Variants in POLK observed in about 807,000 individuals in gnomAD.
POLK encodes the protein polymerase (DNA directed) kappa.
POLK carries 76 observed loss-of-function variants against 94.0 expected under a neutral mutation model. The observed-to-expected ratio is 0.81, with a 90% CI of 0.67 to 0.98. The LOEUF (loss-of-function observed/expected upper bound fraction) is 0.98, where lower values mean the gene tolerates loss of function less well. POLK is among the 50% of genes least tolerant of loss of function. The probability of loss-of-function intolerance (pLI) is 0.00; values close to 1 mark genes in which losing one functional copy is unlikely to be tolerated. For synonymous variants in POLK, 349 were observed against 325.4 expected (o/e 1.07, Z -0.78); for missense variants, 954 against 1,010.1 (o/e 0.94, Z 0.75).
At chr5:75,561,898 T>C (rs915586044) in intron 3 of POLK, among the ~76,000 whole-genome samples, 1 of 152,246 alleles carries the variant, frequency 6.6e-6, no homozygotes, top group African/African-American at 2.4e-5. Flanking sequence ...CATGCTGTTT[T>C]GGCTACTATA....
At chr5:75,560,514 A>T (rs1770915032) in intron 3 of POLK, among the ~76,000 whole-genome samples, 1 of 152,010 alleles carries the variant, frequency 6.6e-6, no homozygotes, top group Admixed American at 6.6e-5. Context: ...TTGTTTCTTT[A>T]AAAAAATTTG....
chr5:75,609,169 T>A, the POLK span: 6 of 152,188 alleles, frequency 3.9e-5, no homozygotes, highest in Admixed American at 2.6e-4. Context: ...AGGATTTTTT[T>A]AAAAGTAAAT....
intron 1 of POLK, among the ~76,000 whole-genome samples, chr5:75,540,385 C>T (rs996971183): frequency 2.6e-4 from 39 of 151,770 alleles, no homozygotes; most frequent in Non-Finnish European, 3.1e-4. Flanking sequence ...TGGCTGACTG[C>T]GGCTTCGAAC....
intron 2 of POLK, among the ~76,000 whole-genome samples, chr5:75,551,009 C>T (rs904990682): frequency 1.3e-5 from 2 of 151,884 alleles, no homozygotes; most frequent in African/African-American, 4.8e-5. Context: ...ATCACTTGAG[C>T]CCAGGAGTTT....
chr5:75,516,468 G>T (rs1378796497), intron 1 of POLK, among the ~76,000 whole-genome samples: 2 of 152,042 alleles, frequency 1.3e-5, no homozygotes, highest in Non-Finnish European at 2.9e-5. Flanking sequence ...AAAGAAAAAA[G>T]TTTAAAACAT....
chr5:75,531,240 C>T (rs1247515165), intron 1 of POLK, among the ~76,000 whole-genome samples: 1 of 150,906 alleles, frequency 6.6e-6, no homozygotes, highest in Non-Finnish European at 1.5e-5. Flanking sequence ...GCTTTAAATT[C>T]TTACCATCAT....
intron 7 of POLK, chr5:75,582,255 C>A (rs1382452521): frequency 1.2e-5 from 4 of 342,356 alleles, no homozygotes; most frequent in Non-Finnish European, 1.7e-5. Flanking sequence ...TGTTATTCAT[C>A]ATGAGGACCC....
intron 1 of POLK, among the ~76,000 whole-genome samples, chr5:75,542,642 T>C (rs943901025): frequency 1.4e-5 from 2 of 144,606 alleles, no homozygotes; most frequent in African/African-American, 5.3e-5. Flanking sequence ...TATACACATA[T>C]ACATATATAC....
At chr5:75,565,862 G>T (rs1010043249) in intron 3 of POLK, among the ~76,000 whole-genome samples, 2 of 152,252 alleles carry the variant, frequency 1.3e-5, no homozygotes, top group Admixed American at 6.5e-5. Context: ...ACTTGAGGAG[G>T]CAGTCTGTTC....
Position 75,561,721 on chromosome 5 carries a change from A to G in POLK, c.256-7619A>G, listed in dbSNP as rs1021460692. On this transcript the variant is annotated intron_variant, in intron 3 of 14. Coordinates refer to ENST00000241436, the Ensembl canonical transcript of POLK. ...AAGGGGTCCAGTTTCAGTTTTCTGA[A>G]TATGGCTAGCAAGTTTTCCCAACAC... Among the ~76,000 whole-genome samples the G allele has an allele frequency of 4.9e-4, 75 of 152,322 alleles. 1 individual carries two copies. The highest frequency in any genetic ancestry group is 5.8e-4 in the East Asian group (3 of 5,182).
chr5:75,521,564 C>T (rs147763355), intron 1 of POLK, among the ~76,000 whole-genome samples: 22 of 152,254 alleles, frequency 1.4e-4, no homozygotes, highest in African/African-American at 5.1e-4. Context: ...TCCAAGAGCT[C>T]ACATATCACT....
At chr5:75,561,334 C>T (rs1770962967) in intron 3 of POLK, among the ~76,000 whole-genome samples, 1 of 152,036 alleles carries the variant, frequency 6.6e-6, no homozygotes, top group Non-Finnish European at 1.5e-5. Flanking sequence ...ATATCCTTTG[C>T]CTGCTTTTTG....
chr5:75,527,990 G>C (rs1178800634), intron 1 of POLK, among the ~76,000 whole-genome samples: 1 of 152,070 alleles, frequency 6.6e-6, no homozygotes, highest in Non-Finnish European at 1.5e-5. Context: ...TTAGAATATT[G>C]GTACTCTCAG....
At chr5:75,605,785 A>G (rs1460200510), downstream of POLK, among the ~76,000 whole-genome samples, 1 of 152,224 alleles carries the variant, frequency 6.6e-6, no homozygotes, top group Admixed American at 6.5e-5. Flanking sequence ...TTATACCTTC[A>G]GAGCAAGGAT....
intron 3 of POLK, among the ~76,000 whole-genome samples, chr5:75,554,287 C>T (rs976180581): frequency 1.3e-5 from 2 of 152,062 alleles, no homozygotes; most frequent in East Asian, 1.9e-4. Flanking sequence ...TTTTTGCCCA[C>T]ATGTCTGGGG....
chr5:75,522,478 C>T (rs944786382), intron 1 of POLK, among the ~76,000 whole-genome samples: 18 of 151,986 alleles, frequency 1.2e-4, no homozygotes, highest in African/African-American at 1.9e-4. Flanking sequence ...AACCCAAAAC[C>T]GGTTTCAGAA....
At chr5:75,608,281 CCTCCGTGG>C in the POLK span, among the ~76,000 whole-genome samples, 1 of 151,846 alleles carries the variant, frequency 6.6e-6, no homozygotes, top group Non-Finnish European at 1.5e-5. Flanking sequence ...GCAGCCTTGA[CCTCCGTGG>C]CTCAGGCCAT....
chr5:75,528,296 G>A (rs1768969895), intron 1 of POLK, among the ~76,000 whole-genome samples: 1 of 152,042 alleles, frequency 6.6e-6, no homozygotes, highest in East Asian at 1.9e-4. Context: ...AGGTTACAAA[G>A]CAGTATGAAT....
chr5:75,536,480 CT>C (rs1769450018), intron 1 of POLK, among the ~76,000 whole-genome samples: 2 of 152,108 alleles, frequency 1.3e-5, no homozygotes, highest in Non-Finnish European at 2.9e-5. Context: ...GAATTGCCTG[CT>C]CTGCCATCTG....
Sources: gnomAD v4.1 joint callset for allele counts (sites outside exome capture counted in the v4.1 genomes callset) on GRCh38, gnomAD v4.1.1 for gene constraint, MANE v1.5 for transcripts, NCBI Gene and HGNC (gene_info 2026-07-23, HGNC 2026-07-21) for gene names.